DDX31: variants seen among roughly 807,000 people sequenced by gnomAD.
DDX31 encodes ATP-dependent DNA helicase DDX31.
DDX31 carries 70 observed loss-of-function variants against 91.3 expected under a neutral mutation model. The ratio of observed to expected loss-of-function variants is 0.77; its 90% confidence interval spans 0.63 to 0.94. The LOEUF (loss-of-function observed/expected upper bound fraction) is 0.94, where lower values mean the gene tolerates loss of function less well. Among genes scored for constraint, DDX31 ranks in the 40% least tolerant of loss-of-function variants. The pLI is 0.00. For missense variants in DDX31, 902 were observed against 925.0 expected, an observed-to-expected ratio of 0.98 and a Z score of 0.32; for synonymous variants, 362 against 350.6, an observed-to-expected ratio of 1.03 and a Z score of -0.36.
chr9:132,604,205 A>G (rs1031136284), intron 19 of DDX31, among the ~76,000 whole-genome samples: 6 of 152,188 alleles, frequency 3.9e-5, no homozygotes, highest in Admixed American at 2.0e-4. Context: ...CATGAACTCT[A>G]TAACAGATGG....
intron 5 of DDX31, 42 bp downstream of exon 5, chr9:132,659,668 G>T: frequency 6.3e-7 from 1 of 1,575,910 alleles, no homozygotes; most frequent in Middle Eastern, 1.7e-4. Context: ...ATGACCATGG[G>T]CCTGAGCAGA....
At chr9:132,669,600 C>T in intron 1 of DDX31, 4 of 1,512,088 alleles carry the variant, frequency 2.6e-6, no homozygotes, top group Non-Finnish European at 3.5e-6. Context: ...TAATTCCTTC[C>T]TTTACTTTTC....
At chr9:132,615,280 G>C (rs1023465887) in intron 18 of DDX31, among the ~76,000 whole-genome samples, 4 of 152,110 alleles carry the variant, frequency 2.6e-5, no homozygotes, top group African/African-American at 9.7e-5. Flanking sequence ...ATGATGACTT[G>C]TAAGATGAAG....
chr9:132,611,323 C>T (rs544420093), intron 19 of DDX31, among the ~76,000 whole-genome samples: 52 of 152,278 alleles, frequency 3.4e-4, no homozygotes, highest in African/African-American at 9.6e-4. Context: ...TGAGACCATC[C>T]GCCCCAAAGT....
rs202232007 is a variant in DDX31 at position 132,639,591 on chromosome 9, G to GA, written c.1440+2412dup. Among the ~76,000 whole-genome samples, 575 of 152,334 alleles carry GA rather than the reference G, an allele frequency of 3.8e-3. 3 individuals are homozygous for GA. Among genetic ancestry groups the GA allele is most frequent in the African/African-American group, 0.011 (459 of 41,562 alleles). On this transcript the variant is annotated intron_variant, in intron 14 of 19. Coordinates refer to ENST00000372159, the MANE Select transcript of DDX31 (RefSeq NM_022779.9). ...GGTATCATCAGCCAGACAGAACAAG[G>GA]AAAGTGATTGTATGCTTTTGACCTG...
intron 19 of DDX31, among the ~76,000 whole-genome samples, chr9:132,608,395 C>T (rs553054647): frequency 1.3e-5 from 2 of 152,064 alleles, no homozygotes; most frequent in South Asian, 2.1e-4. Flanking sequence ...TTTGGGGCCA[C>T]GAACTATTTA....
intron 18 of DDX31, among the ~76,000 whole-genome samples, chr9:132,612,856 C>T (rs1003445696): frequency 1.3e-5 from 2 of 152,184 alleles, no homozygotes; most frequent in African/African-American, 4.8e-5. Context: ...ACCTCCAGCT[C>T]CCTTATCCAT....
chr9:132,616,996 T>G (rs1013955637), intron 18 of DDX31, among the ~76,000 whole-genome samples: 1 of 152,230 alleles, frequency 6.6e-6, no homozygotes, highest in Admixed American at 6.5e-5. Flanking sequence ...GCTTTCACAC[T>G]TGCCCCCGCT....
intron 1 of DDX31, chr9:132,669,654 C>G: frequency 2.0e-6 from 3 of 1,532,394 alleles, no homozygotes; most frequent in Non-Finnish European, 2.6e-6. Context: ...CCGCTCCACT[C>G]CCCGCTTCCA....
intron 14 of DDX31, among the ~76,000 whole-genome samples, chr9:132,636,028 C>A (rs1230600840): frequency 6.6e-6 from 1 of 152,186 alleles, no homozygotes; most frequent in Non-Finnish European, 1.5e-5. Flanking sequence ...GAGACACCAT[C>A]CCACCATCAC....
rs376537683 is a variant in DDX31, at chr9:132,651,164, T to A, written c.634-48A>T. ...AGATGATGAACAGGATCCCCCTTTT[T>A]TTTTTTTTAAAGACAATTTAATGTG... On this transcript the variant is annotated intron_variant, in intron 7 of 19. Coordinates refer to ENST00000372159, the MANE Select transcript of DDX31 (RefSeq NM_022779.9). 557 of 1,513,432 alleles carry A rather than the reference T, an allele frequency of 3.7e-4. 1 individual carries two copies. Among genetic ancestry groups the A allele is most frequent in the Non-Finnish European group, 4.0e-4 (445 of 1,110,108 alleles). 93.8% of individuals were successfully genotyped at this position (1,513,432 alleles called of 1,614,324 possible).
intron 13 of DDX31, among the ~76,000 whole-genome samples, chr9:132,644,371 G>C (rs1437802615): frequency 6.6e-6 from 1 of 152,156 alleles, no homozygotes; most frequent in African/African-American, 2.4e-5. Context: ...GGAGGGCTTT[G>C]TCTGCATTAA....
Position 132,645,903 on chromosome 9 carries a change from C to T in DDX31, c.1372G>A (p.Glu458Lys), listed in dbSNP as rs149491337. The T allele has an allele frequency of 2.5e-6, 4 of 1,612,446 alleles. No individual in the cohort carries two copies. The African/African-American group carries it at 5.3e-5, about 22-fold the overall frequency. Residue 458 changes from glutamate (E) to lysine (K), a missense_variant, in exon 13 of 20, where the codon GAG (glutamate) becomes AAG (lysine). By Grantham distance (56) the Glu-to-Lys change is moderately conservative. Coordinates refer to ENST00000372159, the MANE Select transcript of DDX31 (RefSeq NM_022779.9). ...LKFLRLHGGM[E>K]QEERTAVFQE... ...GGGAGATCAGTGCTCACCTCCTGCT[C>T]CATGCCGCCATGCAGCCGTAGGAAT...
intron 13 of DDX31, among the ~76,000 whole-genome samples, chr9:132,644,033 GAC>G (rs962296043): frequency 7.9e-5 from 12 of 152,000 alleles, no homozygotes; most frequent in African/African-American, 2.9e-4. Context: ...CATCTAAGGA[GAC>G]CATGCTAAGG....
At position 132,662,446 on chromosome 9, in the gene DDX31, G is replaced by T; in HGVS notation, c.325C>A (p.Leu109Ile). The T allele has an allele frequency of 6.2e-7, 1 of 1,614,206 alleles. No individual in the cohort carries two copies. Among genetic ancestry groups the T allele is most frequent in the Non-Finnish European group, 8.5e-7 (1 of 1,180,030 alleles). The stretch of plus-strand genomic sequence containing the variant: ...ATCCGCCCCTGGACATACCTGTGGA[G>T]TTCTGGAATGTCAGGGTTGTTTTTA... Reference protein sequence around the residue: ...LFKNNPDIPELHRPVVKQVQE... With the variant: ...LFKNNPDIPEIHRPVVKQVQE... Residue 109 changes from leucine (L) to isoleucine (I), a missense_variant, in exon 2 of 20, where the codon CTC becomes ATC. Leu to Ile is a conservative substitution (Grantham distance 5). Transcript: ENST00000372159.
At chr9:132,602,963 C>T (rs991211192) in intron 19 of DDX31, among the ~76,000 whole-genome samples, 11 of 152,244 alleles carry the variant, frequency 7.2e-5, no homozygotes, top group East Asian at 1.9e-4. Flanking sequence ...GGCGAGAAAG[C>T]GGACACGGCC....
At chr9:132,642,218 A>G (rs1009018648) in intron 13 of DDX31, among the ~76,000 whole-genome samples, 155 bp from the exon 14 acceptor site, 2 of 152,198 alleles carry the variant, frequency 1.3e-5, no homozygotes, top group Non-Finnish European at 2.9e-5. Flanking sequence ...GATTCTTTAC[A>G]TCTTCTAAGA....
At chr9:132,608,358 G>A (rs534621178) in intron 19 of DDX31, among the ~76,000 whole-genome samples, 23 of 152,180 alleles carry the variant, frequency 1.5e-4, no homozygotes, top group South Asian at 8.3e-4. Flanking sequence ...TGGAAAAGTC[G>A]ACAGAAACCT....
intron 14 of DDX31, among the ~76,000 whole-genome samples, chr9:132,632,386 C>T (rs564081013): frequency 6.6e-6 from 1 of 151,916 alleles, no homozygotes; most frequent in East Asian, 1.9e-4. Flanking sequence ...TTCTACAGAA[C>T]CCATTGATGA....
Sources: gnomAD v4.1 joint callset for allele counts (sites outside exome capture counted in the v4.1 genomes callset) on GRCh38, gnomAD v4.1.1 for gene constraint, MANE v1.5 for transcripts, NCBI Gene and HGNC (gene_info 2026-07-23, HGNC 2026-07-21) for gene names.